MAGI1: variants seen among roughly 807,000 people sequenced by gnomAD.
MAGI1 encodes the protein membrane associated guanylate kinase, WW and PDZ domain containing 1, also known as membrane-associated guanylate kinase, WW and PDZ domain-containing protein 1.
MAGI1 carries 58 observed loss-of-function variants against 139.9 expected under a neutral mutation model. The ratio of observed to expected loss-of-function variants is 0.41; its 90% CI spans 0.34 to 0.52. The LOEUF is 0.52. Among genes scored for constraint, MAGI1 ranks in the 20% least tolerant of loss-of-function variants. MAGI1 has a pLI of 0.12. For synonymous variants in MAGI1, 812 were observed against 737.9 expected (o/e 1.10, Z -1.63); for missense variants, 1,874 against 1,901.6 (o/e 0.99, Z 0.27).
chr3:65,491,842 A>G lies in MAGI1; in HGVS notation c.550+1670T>C, dbSNP rs1427273809. Among the ~76,000 whole-genome samples the G allele has an allele frequency of 2.0e-5, 3 of 152,120 alleles. No individual in the cohort carries two copies. In the East Asian group the frequency reaches 5.8e-4, roughly 30 times the overall value. ...CAACACTCAAAAACAAACAAACAAA[A>G]ATTCCTGATTCATGAGCAGGAATTT... On this transcript the variant is annotated intron_variant, in intron 3 of 22. Transcript: ENST00000402939.
intron 1 of MAGI1, among the ~76,000 whole-genome samples, chr3:66,021,560 A>G (rs1256956387): frequency 6.6e-6 from 1 of 152,218 alleles, no homozygotes; most frequent in Non-Finnish European, 1.5e-5. Flanking sequence ...GATAACTGGA[A>G]GAAAGGCCAA....
chr3:65,673,137 A>G (rs6779134), intron 1 of MAGI1, among the ~76,000 whole-genome samples: 7,345 of 152,208 alleles, frequency 0.048, 611 homozygotes, highest in African/African-American at 0.16. Flanking sequence ...CTAAATTAAG[A>G]TTCGATGACT....
At chr3:65,497,196 A>G (rs977707047) in intron 2 of MAGI1, among the ~76,000 whole-genome samples, 1 of 152,182 alleles carries the variant, frequency 6.6e-6, no homozygotes, top group Non-Finnish European at 1.5e-5. Flanking sequence ...AACCAATGGC[A>G]TTTGAAGGCA....
At chr3:65,608,976 A>C (rs1466963241) in intron 2 of MAGI1, among the ~76,000 whole-genome samples, 2 of 152,228 alleles carry the variant, frequency 1.3e-5, no homozygotes, top group Admixed American at 1.3e-4. Flanking sequence ...GTTAGCAAAC[A>C]AAGTTACAGC....
intron 14 of MAGI1, 30 bp downstream of exon 14, chr3:65,391,111 AG>A (rs766138594): frequency 6.3e-7 from 1 of 1,584,520 alleles, no homozygotes; most frequent in African/African-American, 1.3e-5. Flanking sequence ...CGGAGGGGTC[AG>A]GGTAAGACAG....
chr3:65,437,359 C>T (rs1024124227), intron 9 of MAGI1, 112 bp from the exon 10 acceptor site: 2 of 539,924 alleles, frequency 3.7e-6, no homozygotes, highest in Admixed American at 7.3e-5. Flanking sequence ...GGGCAGATAG[C>T]TTAGATTAAA....
chr3:65,659,553 T>C (rs967101587), intron 1 of MAGI1, among the ~76,000 whole-genome samples: 12 of 152,154 alleles, frequency 7.9e-5, no homozygotes, highest in African/African-American at 2.9e-4. Flanking sequence ...ATCTCCACCT[T>C]TTTCCAGGAG....
intron 1 of MAGI1, among the ~76,000 whole-genome samples, chr3:65,829,954 T>C (rs998820015): frequency 2.0e-5 from 3 of 152,232 alleles, no homozygotes; most frequent in African/African-American, 7.2e-5. Context: ...TACTTTGGAT[T>C]CAGCAATGCT....
intron 1 of MAGI1, among the ~76,000 whole-genome samples, chr3:65,640,338 G>A (rs571589672): frequency 6.6e-6 from 1 of 152,226 alleles, no homozygotes; most frequent in African/African-American, 2.4e-5. Context: ...AATATTGCTG[G>A]AATGTCTAAT....
chr3:65,692,477 T>C (rs2088766196), intron 1 of MAGI1, among the ~76,000 whole-genome samples: 1 of 152,144 alleles, frequency 6.6e-6, no homozygotes, highest in Admixed American at 6.5e-5. Flanking sequence ...AAGCCTACAG[T>C]GGCCTTGACT....
At chr3:65,497,124 G>T (rs1553654068) in intron 2 of MAGI1, among the ~76,000 whole-genome samples, 1 of 152,084 alleles carries the variant, frequency 6.6e-6, no homozygotes, top group Non-Finnish European at 1.5e-5. Context: ...AAGTCTGAAG[G>T]TCAGAGTAGA....
At chr3:65,662,616 G>A (rs2086262786) in intron 1 of MAGI1, among the ~76,000 whole-genome samples, 1 of 152,240 alleles carries the variant, frequency 6.6e-6, no homozygotes, top group African/African-American at 2.4e-5. Context: ...TTTAAGTTGT[G>A]CAATATGATG....
intron 12 of MAGI1, among the ~76,000 whole-genome samples, chr3:65,425,259 T>TA (rs1231285165): frequency 1.3e-5 from 2 of 152,126 alleles, no homozygotes; most frequent in African/African-American, 2.4e-5. Flanking sequence ...TGATGACTAC[T>TA]ACGTCAGGAA....
At chr3:65,950,044 C>CAAAAAAAAAAA (rs143046732) in intron 1 of MAGI1, among the ~76,000 whole-genome samples, 2 of 49,770 alleles carry the variant, frequency 4.0e-5, no homozygotes, top group African/African-American at 1.7e-4. Context: ...GCCAGATCAT[C>CAAAAAAAAAAA]AAAAAAAAAA....
chr3:65,677,515 T>C (rs1458121548), intron 1 of MAGI1, among the ~76,000 whole-genome samples: 1 of 152,188 alleles, frequency 6.6e-6, no homozygotes, highest in African/African-American at 2.4e-5. Flanking sequence ...AGAAAAACAC[T>C]GAGCAGAGTG....
At chr3:65,928,112 G>C (rs981080849) in intron 1 of MAGI1, among the ~76,000 whole-genome samples, 1 of 152,046 alleles carries the variant, frequency 6.6e-6, no homozygotes, top group African/African-American at 2.4e-5. Flanking sequence ...CCCACTCCAT[G>C]AAGACAAGGA....
rs141365463 is a variant in MAGI1 at position 65,354,020 on chromosome 3, C to G, written c.*2358G>C. 6.6e-6 allele frequency: 1 copy of G among 152,334 alleles called. No individual in the cohort carries two copies. The highest frequency in any genetic ancestry group is 1.9e-4 in the East Asian group (1 of 5,176). 9.4% of individuals were successfully genotyped at this position (152,334 alleles called of 1,614,324 possible). ...AAGAAGGACATCAAGATGTTAACTT[C>G]AGGATATATTCCCAAAATCCACCTT... On this transcript the variant is annotated 3_prime_UTR_variant, in exon 23 of 23. Coordinates refer to ENST00000402939, the MANE Select transcript of MAGI1 (RefSeq NM_001033057.2).
intron 1 of MAGI1, among the ~76,000 whole-genome samples, chr3:65,823,083 A>G (rs1242255929): frequency 6.6e-6 from 1 of 152,248 alleles, no homozygotes; most frequent in Non-Finnish European, 1.5e-5. Context: ...CTAAGGTATT[A>G]CAGCTAAATT....
At chr3:65,469,534 A>G (rs1170747871) in intron 5 of MAGI1, among the ~76,000 whole-genome samples, 1 of 151,994 alleles carries the variant, frequency 6.6e-6, no homozygotes, top group African/African-American at 2.4e-5. Context: ...TATAAATCTG[A>G]AAGACTTTCC....
Sources: gnomAD v4.1 joint callset for allele counts (sites outside exome capture counted in the v4.1 genomes callset) on GRCh38, gnomAD v4.1.1 for gene constraint, MANE v1.5 for transcripts, NCBI Gene and HGNC (gene_info 2026-07-23, HGNC 2026-07-21) for gene names.